The following RBMS2 variants were observed in gnomAD, a reference collection of about 807,000 sequenced individuals.
The protein encoded by RBMS2 is RNA binding motif single stranded interacting protein 2, also known as RNA-binding motif, single-stranded-interacting protein 2.
RBMS2 carries 38 observed loss-of-function variants against 58.4 expected under a neutral mutation model. The ratio of observed to expected loss-of-function variants is 0.65; its 90% confidence interval spans 0.50 to 0.85. The LOEUF (loss-of-function observed/expected upper bound fraction) is 0.85, where lower values mean the gene tolerates loss of function less well. Ranked by LOEUF, RBMS2 falls within the 40% of genes least tolerant of loss-of-function variation. RBMS2 has a pLI of 0.00. For synonymous variants in RBMS2, 151 were observed against 180.7 expected (o/e 0.84, Z 1.32); for missense variants, 367 against 503.7 (o/e 0.73, Z 2.60).
upstream of RBMS2, among the ~76,000 whole-genome samples, chr12:56,521,222 A>G (rs1354837170): frequency 6.6e-6 from 1 of 152,060 alleles, no homozygotes; most frequent in Non-Finnish European, 1.5e-5. Context: ...TGAGGTCAGG[A>G]GTTCGAGACC....
chr12:56,555,022 T>C (rs1453154568), intron 1 of RBMS2, among the ~76,000 whole-genome samples: 1 of 151,798 alleles, frequency 6.6e-6, no homozygotes, highest in South Asian at 2.1e-4. Flanking sequence ...TGTGCACATA[T>C]ATAAGCATCC....
chr12:56,532,533 ACT>A (rs79646301), intron 1 of RBMS2, among the ~76,000 whole-genome samples: 67,353 of 150,674 alleles, frequency 0.45, 15,875 homozygotes, highest in East Asian at 0.59. Context: ...CAAGAGCGAA[ACT>A]CTGTCTCAAA....
chr12:56,532,007 G>C (rs1873836622), intron 1 of RBMS2, among the ~76,000 whole-genome samples: 1 of 151,670 alleles, frequency 6.6e-6, no homozygotes, highest in South Asian at 2.1e-4. Flanking sequence ...GATCACCTGA[G>C]GTCAGGAGTT....
intron 4 of RBMS2, among the ~76,000 whole-genome samples, chr12:56,570,455 G>A (rs943507968): frequency 2.0e-5 from 3 of 152,200 alleles, no homozygotes; most frequent in African/African-American, 4.8e-5. Flanking sequence ...ATCAAGGGAG[G>A]AAACTGTCTC....
intron 5 of RBMS2, among the ~76,000 whole-genome samples, chr12:56,577,560 G>A (rs1452140734): frequency 6.6e-6 from 1 of 151,488 alleles, no homozygotes; most frequent in Non-Finnish European, 1.5e-5. Context: ...CTACAGCCTT[G>A]ACCTTCTGGG....
chr12:56,567,865 A>G (rs892399351), intron 2 of RBMS2, among the ~76,000 whole-genome samples: 5 of 151,966 alleles, frequency 3.3e-5, no homozygotes, highest in East Asian at 1.9e-4. Flanking sequence ...TTAATACTAC[A>G]GTTCCCACTC....
At chr12:56,549,273 G>A (rs1384178308) in intron 1 of RBMS2, among the ~76,000 whole-genome samples, 2 of 152,192 alleles carry the variant, frequency 1.3e-5, no homozygotes, top group East Asian at 3.9e-4. Context: ...CAGATTACAG[G>A]CTTGAGCCAC....
intron 5 of RBMS2, 78 bp from the exon 6 acceptor site, chr12:56,581,106 A>G (rs1265411460): frequency 4.9e-6 from 6 of 1,212,268 alleles, no homozygotes; most frequent in Non-Finnish European, 7.3e-6. Flanking sequence ...GGGAACTTAG[A>G]GCTTTGCTTT....
chr12:56,524,037 C>T (rs1872213571), intron 1 of RBMS2, among the ~76,000 whole-genome samples: 1 of 152,084 alleles, frequency 6.6e-6, no homozygotes, highest in African/African-American at 2.4e-5. Flanking sequence ...AATTGCTTCC[C>T]TATTAGAGGT....
chr12:56,573,476 CAAAAAAAAAA>C (rs71081382), intron 5 of RBMS2, among the ~76,000 whole-genome samples: 3 of 59,720 alleles, frequency 5.0e-5, no homozygotes, highest in East Asian at 1.1e-3. Context: ...GACGCCATCT[CAAAAAAAAAA>C]AAAAAAAAAA....
At chr12:56,531,557 G>A (rs551425258) in intron 1 of RBMS2, among the ~76,000 whole-genome samples, 4 of 152,056 alleles carry the variant, frequency 2.6e-5, no homozygotes, top group South Asian at 2.1e-4. Flanking sequence ...GGCCCAGCGC[G>A]GTGGCTCATG....
chr12:56,532,174 G>A (rs1173106210), intron 1 of RBMS2, among the ~76,000 whole-genome samples: 18 of 152,120 alleles, frequency 1.2e-4, no homozygotes, highest in Admixed American at 6.6e-5. Flanking sequence ...AGCCAAGATC[G>A]TGCCGTTGTA....
At chr12:56,543,511 C>CTTT (rs78482928) in intron 1 of RBMS2, among the ~76,000 whole-genome samples, 1 of 134,598 alleles carries the variant, frequency 7.4e-6, no homozygotes, top group Non-Finnish European at 1.6e-5. Flanking sequence ...TGAGAGTCAC[C>CTTT]TTTTTTTTTT....
intron 1 of RBMS2, among the ~76,000 whole-genome samples, chr12:56,527,163 G>T (rs1872799849): frequency 6.6e-6 from 1 of 152,150 alleles, no homozygotes; most frequent in Admixed American, 6.6e-5. Context: ...CTTCTAACAG[G>T]ATAGAGAATT....
In RBMS2 at chr12:56,522,150, C is replaced by CT. The variant is rs1486459781; in HGVS notation, c.66+63dup. The CT allele has an allele frequency of 5.1e-6, 7 of 1,366,502 alleles. No homozygotes were observed. The East Asian group carries it at 1.6e-4, about 32-fold the overall frequency. The allele number at this position is 1,366,502 out of a possible 1,614,324, so 84.6% of individuals were successfully genotyped here. A position where few individuals can be genotyped will look rare whatever the true frequency, so the allele number is the denominator to read the frequency against. On this transcript the variant is annotated intron_variant, in intron 1 of 13. Coordinates refer to ENST00000262031, the MANE Select transcript of RBMS2 (RefSeq NM_002898.4). ...CTTTTTCTGGGGATCTTGCAATGCC[C>CT]TTGGTTTTTACATTCTTTTTAAAGA... is the stretch of plus-strand genomic sequence containing the variant.
At chr12:56,573,210 C>G in intron 5 of RBMS2, 1 of 970,870 alleles carries the variant, frequency 1.0e-6, no homozygotes. Context: ...GGCGTGGTGG[C>G]TCACGCCTGT....
chr12:56,552,156 G>A (rs1004898017), intron 1 of RBMS2, among the ~76,000 whole-genome samples: 2 of 152,228 alleles, frequency 1.3e-5, no homozygotes, highest in Non-Finnish European at 2.9e-5. Flanking sequence ...CCTTAGAAAC[G>A]TAGGCATGTA....
chr12:56,532,513 G>A (rs1391149689), intron 1 of RBMS2, among the ~76,000 whole-genome samples: 1 of 150,628 alleles, frequency 6.6e-6, no homozygotes, highest in African/African-American at 2.4e-5. Context: ...TTGCACTCCA[G>A]CCTGGGCAAC....
chr12:56,570,398 C>T (rs186034184), intron 4 of RBMS2, among the ~76,000 whole-genome samples: 146 of 152,248 alleles, frequency 9.6e-4, no homozygotes, highest in African/African-American at 3.4e-3. Context: ...TAATGTTGTT[C>T]CCCATACGGG....
Sources: gnomAD v4.1 joint callset for allele counts (sites outside exome capture counted in the v4.1 genomes callset) on GRCh38, gnomAD v4.1.1 for gene constraint, MANE v1.5 for transcripts, NCBI Gene and HGNC (gene_info 2026-07-23, HGNC 2026-07-21) for gene names.